Variants in LRRTM4 observed in about 807,000 individuals in gnomAD.
LRRTM4 encodes leucine rich repeat transmembrane neuronal 4.
Under a neutral mutation model 47.6 loss-of-function variants are expected in LRRTM4, and 25 were observed. The ratio of observed to expected loss-of-function variants is 0.53; its 90% CI spans 0.38 to 0.73. The LOEUF (loss-of-function observed/expected upper bound fraction) is 0.73, where lower values mean the gene tolerates loss of function less well. Ranked by LOEUF, LRRTM4 falls within the 30% of genes least tolerant of loss-of-function variation. LRRTM4 has a pLI of 0.00. For missense variants in LRRTM4, 638 were observed against 713.4 expected (o/e 0.89, Z 1.20); for synonymous variants, 311 against 269.5 (o/e 1.15, Z -1.51).
At chr2:76,959,162 G>T in intron 3 of LRRTM4, among the ~76,000 whole-genome samples, 1 of 151,538 alleles carries the variant, frequency 6.6e-6, no homozygotes, top group Middle Eastern at 3.2e-3. Context: ...ATGTCTTTTC[G>T]TAATCTTCAC....
Position 77,452,407 on chromosome 2 carries a change from A to C in LRRTM4, c.1551+65911T>G, listed in dbSNP as rs143655607. 1.7e-3 allele frequency among the ~76,000 whole-genome samples: 255 copies of C among 152,316 alleles called. 6 individuals are homozygous for C. The East Asian group carries it at 0.028, about 17-fold the overall frequency. On this transcript the variant is annotated intron_variant, in intron 3 of 3. Transcript: ENST00000409884. ...GAAAATGTTGAGGGTCTTAAGAATGAGTGTGTCATGAGCTCGCTTTAATAA... is the reference window on the plus strand; with the variant it reads ...GAAAATGTTGAGGGTCTTAAGAATGCGTGTGTCATGAGCTCGCTTTAATAA...
chr2:77,212,474 T>TATAGAG (rs1431592737), intron 3 of LRRTM4, among the ~76,000 whole-genome samples: 17 of 136,954 alleles, frequency 1.2e-4, no homozygotes, highest in African/African-American at 4.3e-4. Context: ...TATATATATA[T>TATAGAG]AGAGAGAGAG....
intron 3 of LRRTM4, chr2:77,516,567 G>A (rs1679213977): frequency 1.0e-6 from 1 of 960,282 alleles, no homozygotes; most frequent in Non-Finnish European, 1.2e-6. Flanking sequence ...AAAATATAAG[G>A]AGAACCCAGA....
intron 3 of LRRTM4, among the ~76,000 whole-genome samples, chr2:77,372,949 TA>T (rs34277293): frequency 9.8e-4 from 141 of 144,376 alleles, no homozygotes; most frequent in African/African-American, 2.7e-3. Context: ...GACTTCTGAA[TA>T]AAAAAAAAAG....
At chr2:77,276,122 G>T (rs1016869533) in intron 3 of LRRTM4, among the ~76,000 whole-genome samples, 6 of 151,658 alleles carry the variant, frequency 4.0e-5, no homozygotes, top group African/African-American at 1.2e-4. Flanking sequence ...TTGCTCACAG[G>T]GTTAAGTTTA....
intron 3 of LRRTM4, among the ~76,000 whole-genome samples, chr2:77,139,217 A>C (rs2103754992): frequency 6.6e-6 from 1 of 152,282 alleles, no homozygotes; most frequent in East Asian, 1.9e-4. Flanking sequence ...TTGATGCAAA[A>C]ATCCTCAATA....
In LRRTM4 at chr2:77,141,559, A is replaced by C. The variant is rs143886107; in HGVS notation, c.1551+376759T>G. On this transcript the variant is annotated intron_variant, in intron 3 of 3. Coordinates refer to ENST00000409884, the MANE Select transcript of LRRTM4 (RefSeq NM_001134745.3). ...TGGGTGCAGCACACCAACATGGCGC[A>C]TGTGTACATATGTAACAAACCTGCA... Among the ~76,000 whole-genome samples, 991 of 152,296 alleles carry C rather than the reference A, an allele frequency of 6.5e-3. 11 individuals carry two copies. The highest frequency in any genetic ancestry group is 0.023 in the African/African-American group (956 of 41,570).
At chr2:76,871,244 A>G (rs1222701685) in intron 3 of LRRTM4, among the ~76,000 whole-genome samples, 2 of 152,180 alleles carry the variant, frequency 1.3e-5, no homozygotes, top group Non-Finnish European at 2.9e-5. Flanking sequence ...TTAAAGCTTC[A>G]AACTGCTGTG....
At chr2:77,369,057 C>T (rs1472996144) in intron 3 of LRRTM4, among the ~76,000 whole-genome samples, 4 of 151,678 alleles carry the variant, frequency 2.6e-5, no homozygotes, top group Non-Finnish European at 4.4e-5. Flanking sequence ...GGTAATATCT[C>T]CTAGTGGTTT....
rs111253301 is a variant in LRRTM4 at position 77,472,700 on chromosome 2, A to G, written c.1551+45618T>C. Among the ~76,000 whole-genome samples, 413 of 152,262 alleles carry G rather than the reference A, an allele frequency of 2.7e-3. 2 individuals are homozygous for G. The highest frequency in any genetic ancestry group is 9.2e-3 in the African/African-American group (384 of 41,566). On this transcript the variant is annotated intron_variant, in intron 3 of 3. Coordinates refer to ENST00000409884, the MANE Select transcript of LRRTM4 (RefSeq NM_001134745.3). Reference sequence around the variant, plus strand: ...CGTGCATTCTACATTAAAGAAGCATATATCTAGCAGGTCAACACCTGCTCA... The same window carrying G: ...CGTGCATTCTACATTAAAGAAGCATGTATCTAGCAGGTCAACACCTGCTCA...
At chr2:77,453,521 T>C (rs1173275965) in intron 3 of LRRTM4, among the ~76,000 whole-genome samples, 2 of 152,126 alleles carry the variant, frequency 1.3e-5, no homozygotes. Flanking sequence ...TGATTCCAAG[T>C]CATTGGATAG....
chr2:77,417,652 C>T (rs290008), intron 3 of LRRTM4, among the ~76,000 whole-genome samples: 57,307 of 151,296 alleles, frequency 0.38, 11,103 homozygotes, highest in Non-Finnish European at 0.43. Flanking sequence ...TCTCAGCAAA[C>T]TATCACAAGG....
chr2:77,488,110 G>A (rs1219347982), intron 3 of LRRTM4, among the ~76,000 whole-genome samples: 1 of 152,138 alleles, frequency 6.6e-6, no homozygotes, highest in East Asian at 1.9e-4. Flanking sequence ...AAGGAGAGAG[G>A]AGCTGCAGCT....
chr2:77,089,826 G>T (rs937238078), intron 3 of LRRTM4, among the ~76,000 whole-genome samples: 1 of 152,058 alleles, frequency 6.6e-6, no homozygotes, highest in East Asian at 1.9e-4. Flanking sequence ...TTTCCATCCT[G>T]CAATATCTAA....
intron 3 of LRRTM4, among the ~76,000 whole-genome samples, chr2:77,146,362 C>T (rs1672261623): frequency 6.6e-6 from 1 of 152,098 alleles, no homozygotes; most frequent in Non-Finnish European, 1.5e-5. Context: ...CAAATTTTTT[C>T]AAGATTCATT....
intron 3 of LRRTM4, among the ~76,000 whole-genome samples, chr2:77,426,169 G>T (rs551757987): frequency 6.7e-6 from 1 of 150,110 alleles, no homozygotes; most frequent in South Asian, 2.1e-4. Flanking sequence ...TCCCCTGTTC[G>T]ATTAATCAAA....
intron 3 of LRRTM4, among the ~76,000 whole-genome samples, chr2:76,868,621 A>C (rs1366084944): frequency 1.3e-5 from 2 of 152,238 alleles, no homozygotes; most frequent in Non-Finnish European, 2.9e-5. Context: ...AAGGAAGTTC[A>C]AACTATTTTC....
intron 3 of LRRTM4, among the ~76,000 whole-genome samples, chr2:77,452,201 AAGATGAAAACAG>A (rs1676280851): frequency 6.6e-6 from 1 of 152,190 alleles, no homozygotes; most frequent in Non-Finnish European, 1.5e-5. Context: ...CAGCTTACTA[AAGATGAAAACAG>A]ATAAAGGGGA....
chr2:76,774,852 G>A (rs1161333110), intron 3 of LRRTM4, among the ~76,000 whole-genome samples: 2 of 152,168 alleles, frequency 1.3e-5, no homozygotes, highest in Non-Finnish European at 1.5e-5. Flanking sequence ...GAGTGTTCAC[G>A]TAGTAAACAA....
Sources: allele counts gnomAD v4.1 joint callset (sites outside exome capture counted in the v4.1 genomes callset), GRCh38; gene constraint gnomAD v4.1.1; transcripts MANE v1.5; gene names NCBI Gene and HGNC (gene_info 2026-07-23, HGNC 2026-07-21).